Variants in FRMPD4 observed in about 807,000 individuals in gnomAD.
The protein encoded by FRMPD4 is FERM and PDZ domain containing 4.
FRMPD4 carries 22 observed loss-of-function variants against 94.1 expected under a neutral mutation model. The ratio of observed to expected loss-of-function variants is 0.23; its 90% confidence interval spans 0.17 to 0.33. The LOEUF is 0.33. FRMPD4 is among the 10% of genes least tolerant of loss of function. FRMPD4 has a pLI of 1.00. For synonymous variants in FRMPD4, 631 were observed against 548.6 expected (o/e 1.15, Z -2.10); for missense variants, 1,111 against 1,339.9 (o/e 0.83, Z 2.67).
intron 3 of FRMPD4, among the ~76,000 whole-genome samples, chrX:12,041,322 G>T (rs1189772631): frequency 8.9e-6 from 1 of 112,103 alleles, no homozygotes; most frequent in African/African-American, 3.2e-5. Flanking sequence ...CAGCCTGAAA[G>T]ATTCATTCAG....
At chrX:11,879,467 C>G (rs1023101025) in intron 3 of FRMPD4, among the ~76,000 whole-genome samples, 1 of 110,501 alleles carries the variant, frequency 9.0e-6, no homozygotes, top group Non-Finnish European at 1.9e-5. Flanking sequence ...AATCAAAATA[C>G]TAGGCCAAAC....
chrX:12,454,039 G>T (rs1248817051), intron 1 of FRMPD4, among the ~76,000 whole-genome samples: 1 of 112,249 alleles, frequency 8.9e-6, no homozygotes, highest in Non-Finnish European at 1.9e-5. Flanking sequence ...AAGCAGATTT[G>T]CTACTTGTCC....
chrX:12,697,370 C>T (rs1261073589), intron 9 of FRMPD4, among the ~76,000 whole-genome samples: 3 of 112,179 alleles, frequency 2.7e-5, no homozygotes, highest in African/African-American at 9.7e-5. Flanking sequence ...TCATGTGCTA[C>T]ATTGTTAGTT....
At chrX:11,852,050 G>T (rs2053626228) in intron 1 of FRMPD4, among the ~76,000 whole-genome samples, 1 of 110,441 alleles carries the variant, frequency 9.1e-6, no homozygotes, top group Admixed American at 9.7e-5. Context: ...CATCTGGCAT[G>T]ATTAAGAAAA....
chrX:12,521,036 C>T (rs768253425), intron 2 of FRMPD4, among the ~76,000 whole-genome samples: 31 of 112,180 alleles, frequency 2.8e-4, no homozygotes, highest in Admixed American at 8.5e-4. Flanking sequence ...CAACCAGAGA[C>T]GCTAAGTAAA....
chrX:12,360,238 C>T (rs892156352), intron 1 of FRMPD4, among the ~76,000 whole-genome samples: 2 of 111,726 alleles, frequency 1.8e-5, no homozygotes, highest in Admixed American at 1.9e-4. Flanking sequence ...ATGTATGTCT[C>T]AGTGTGAATA....
intron 2 of FRMPD4, among the ~76,000 whole-genome samples, chrX:12,541,419 T>C (rs2058410263): frequency 9.0e-6 from 1 of 111,196 alleles, no homozygotes; most frequent in South Asian, 3.8e-4. Flanking sequence ...TCACCACCGA[T>C]CCCACAGAAA....
chrX:11,900,007 T>G (rs777404460), intron 3 of FRMPD4, among the ~76,000 whole-genome samples: 17 of 112,331 alleles, frequency 1.5e-4, no homozygotes, highest in African/African-American at 5.5e-4. Context: ...CTTCTGGAGA[T>G]GTAACAGATA....
chrX:11,885,960 A>G (rs937326130), intron 3 of FRMPD4, among the ~76,000 whole-genome samples: 2 of 111,664 alleles, frequency 1.8e-5, no homozygotes, highest in African/African-American at 6.5e-5. Context: ...GTATACCCAA[A>G]TAAAGCAAAA....
chrX:11,918,474 C>T (rs2054037571), intron 3 of FRMPD4, among the ~76,000 whole-genome samples: 2 of 112,260 alleles, frequency 1.8e-5, no homozygotes, highest in South Asian at 3.7e-4. Context: ...CGTGGTGGCA[C>T]ATGCCTGTAA....
chrX:11,984,069 G>C (rs888508861), intron 3 of FRMPD4, among the ~76,000 whole-genome samples: 1 of 111,954 alleles, frequency 8.9e-6, no homozygotes, highest in Non-Finnish European at 1.9e-5. Context: ...CTGTAAGGTG[G>C]ACGTCTAATG....
At chrX:12,392,460 G>C (rs1394184717) in intron 1 of FRMPD4, among the ~76,000 whole-genome samples, 2 of 105,797 alleles carry the variant, frequency 1.9e-5, no homozygotes, top group South Asian at 4.9e-4. Flanking sequence ...AGACCAGCCT[G>C]GCCAACATGG....
chrX:12,713,519 G>A (rs992450257), intron 14 of FRMPD4, among the ~76,000 whole-genome samples: 28 of 110,976 alleles, frequency 2.5e-4, no homozygotes, highest in African/African-American at 8.5e-4. Context: ...AGAGAGAGAA[G>A]CGAGGATAAC....
At chrX:12,569,811 C>T (rs1041865783) in intron 2 of FRMPD4, among the ~76,000 whole-genome samples, 4 of 111,722 alleles carry the variant, frequency 3.6e-5, no homozygotes, top group African/African-American at 1.3e-4. Context: ...GTCTTCAGTT[C>T]GGGAACTAGC....
At chrX:12,560,273 T>A (rs2058639046) in intron 2 of FRMPD4, among the ~76,000 whole-genome samples, 1 of 109,995 alleles carries the variant, frequency 9.1e-6, no homozygotes. Flanking sequence ...TGAAACAGAG[T>A]TAAGACCCCA....
intron 1 of FRMPD4, among the ~76,000 whole-genome samples, chrX:12,275,336 A>G (rs2054419461): frequency 9.0e-6 from 1 of 111,227 alleles, no homozygotes; most frequent in Admixed American, 9.5e-5. Context: ...AGGCCTCCCC[A>G]GAAACTGAGC....
At chrX:11,955,383 T>TGGGGAG (rs2054249620) in intron 3 of FRMPD4, among the ~76,000 whole-genome samples, 1 of 110,308 alleles carries the variant, frequency 9.1e-6, no homozygotes, top group Non-Finnish European at 1.9e-5. Flanking sequence ...CCCTAGCTAA[T>TGGGGAG]GGGGAGGCTG....
Position 12,285,557 on chromosome X carries a change from G to C in FRMPD4, c.41+146545G>C, listed in dbSNP as rs781454711. On this transcript the variant is annotated intron_variant, in intron 1 of 16. Transcript: ENST00000675598. ...CTCAGGCAGGTAATTTGATGTGCGT[G>C]TGTTCATGTAACTTAGGTGTTTCTT... Among the ~76,000 whole-genome samples the C allele has an allele frequency of 2.7e-5, 3 of 111,558 alleles. No homozygotes were observed. The South Asian group carries it at 1.1e-3, about 42-fold the overall frequency.
At chrX:12,258,060 T>C (rs2054138921) in intron 1 of FRMPD4, among the ~76,000 whole-genome samples, 2 of 110,553 alleles carry the variant, frequency 1.8e-5, no homozygotes, top group Admixed American at 1.9e-4. Flanking sequence ...CTCCCACTCC[T>C]CCCCACCAAG....
Sources: allele counts gnomAD v4.1 joint callset (sites outside exome capture counted in the v4.1 genomes callset), GRCh38; gene constraint gnomAD v4.1.1; transcripts MANE v1.5; gene names NCBI Gene and HGNC (gene_info 2026-07-23, HGNC 2026-07-21).